Variants in LSM14A observed in about 807,000 individuals in gnomAD.
LSM14A encodes the protein LSM14A mRNA processing body assembly factor.
LSM14A carries 14 observed loss-of-function variants against 52.4 expected under a neutral mutation model. The ratio of observed to expected loss-of-function variants is 0.27; its 90% CI spans 0.18 to 0.42. LSM14A has a LOEUF of 0.42. LSM14A is among the 10% of genes least tolerant of loss of function. The pLI is 1.00. For missense variants in LSM14A, 417 were observed against 581.8 expected, an observed-to-expected ratio of 0.72 and a Z score of 2.91; for synonymous variants, 185 against 200.3, an observed-to-expected ratio of 0.92 and a Z score of 0.64.
rs534889462 is a variant in LSM14A, at chr19:34,228,935, C to T, written c.*1547C>T. ...CAGTACTTGGCAGCCATAGTTTAGACAATATTGTTCAGTGCTGTTTGCTTG... is the reference window on the plus strand; with the variant it reads ...CAGTACTTGGCAGCCATAGTTTAGATAATATTGTTCAGTGCTGTTTGCTTG... On this transcript the variant is annotated 3_prime_UTR_variant, in exon 10 of 10. Transcript: ENST00000544216. 7 of 152,654 alleles carry T rather than the reference C, an allele frequency of 4.6e-5. No homozygotes were observed. The South Asian group carries it at 1.5e-3, about 32-fold the overall frequency. The allele number at this position is 152,654 out of a possible 1,614,324, so 9.5% of individuals were successfully genotyped here. A position where few individuals can be genotyped will look rare whatever the true frequency, so the allele number is the denominator to read the frequency against.
chr19:34,197,392 G>A lies in LSM14A; in HGVS notation c.415+629G>A, dbSNP rs111866958. Among the ~76,000 whole-genome samples, 830 of 147,364 alleles carry A rather than the reference G, an allele frequency of 5.6e-3. 11 individuals carry two copies. The highest frequency in any genetic ancestry group is 0.02 in the African/African-American group (780 of 39,884). On this transcript the variant is annotated intron_variant, in intron 3 of 9. Coordinates refer to ENST00000544216, the MANE Select transcript of LSM14A (RefSeq NM_015578.4). ...AGGTGTGAGCCACTGCGCCTGGCCT[G>A]GATTTTAATTAATAAATTTTTCTTT...
intron 1 of LSM14A, among the ~76,000 whole-genome samples, chr19:34,192,842 G>A (rs1190287719): frequency 6.6e-6 from 1 of 151,790 alleles, no homozygotes; most frequent in African/African-American, 2.4e-5. Context: ...AGCTGCGCAT[G>A]GTGGCACACG....
rs368591671 is a variant in LSM14A at position 34,225,987 on chromosome 19, G to A, written c.1369-1378G>A. On this transcript the variant is annotated intron_variant, in intron 9 of 9. Coordinates refer to ENST00000544216, the MANE Select transcript of LSM14A (RefSeq NM_015578.4). ...TAAGGCAGGAGGATCAGTTGAACCTGGGAGGTCAAGGCTGCAGTGAGCCAT... is the reference window on the plus strand; with the variant it reads ...TAAGGCAGGAGGATCAGTTGAACCTAGGAGGTCAAGGCTGCAGTGAGCCAT... 7.9e-5 allele frequency among the ~76,000 whole-genome samples: 12 copies of A among 152,078 alleles called. No homozygotes were observed. The East Asian group carries it at 2.3e-3, about 29-fold the overall frequency.
intron 3 of LSM14A, among the ~76,000 whole-genome samples, chr19:34,202,878 C>CGATCTCCT (rs2071404247): frequency 1.3e-5 from 2 of 152,096 alleles, no homozygotes; most frequent in South Asian, 4.1e-4. Context: ...AGGATGGTCT[C>CGATCTCCT]GATCTCCTGA....
chr19:34,190,062 A>G (rs907786126), intron 1 of LSM14A, among the ~76,000 whole-genome samples: 4 of 152,284 alleles, frequency 2.6e-5, no homozygotes, highest in South Asian at 2.1e-4. Context: ...GAGCTAATGT[A>G]TGTGTTGTAG....
Position 34,172,710 on chromosome 19 carries a change from AG to A in LSM14A, c.71del (p.Gly24AlafsTer13). On this transcript the variant is annotated frameshift_variant, in exon 1 of 10. Transcript: ENST00000544216. LOFTEE classifies it high-confidence loss of function. ...SLISKAEIRY[E>X]GILYTIDTEN... is the part of the protein sequence containing the mutation. Reference sequence around the variant, plus strand: ...ATCTCCAAGGCGGAGATCCGCTACGAGGGCATCCTCTACACCATCGACACCG... The same window carrying A: ...ATCTCCAAGGCGGAGATCCGCTACGAGGCATCCTCTACACCATCGACACCG... 6.3e-7 allele frequency: 1 copy of A among 1,582,304 alleles called. No individual in the cohort carries two copies. Among genetic ancestry groups the A allele is most frequent in the Admixed American group, 1.8e-5 (1 of 56,296 alleles).
intron 3 of LSM14A, among the ~76,000 whole-genome samples, chr19:34,202,492 CAAAAAAA>C (rs113672361): frequency 1.1e-5 from 1 of 90,474 alleles, no homozygotes; most frequent in Non-Finnish European, 2.3e-5. Flanking sequence ...GACTGTGTCT[CAAAAAAA>C]AAAAAAAAAA....
chr19:34,217,625 T>G lies in LSM14A; in HGVS notation c.782-1766T>G, dbSNP rs1348283512. Among the ~76,000 whole-genome samples the G allele has an allele frequency of 4.5e-5, 5 of 111,332 alleles. No individual in the cohort carries two copies. In the East Asian group the frequency reaches 1.0e-3, roughly 23 times the overall value. The allele number at this position is 111,332 out of a possible 152,430, so 73.0% of individuals were successfully genotyped here. A position where few individuals can be genotyped will look rare whatever the true frequency, so the allele number is the denominator to read the frequency against. ...TTATATCCCCCCCCCCCGTGTTTTT[T>G]TTTTTTTTTTTTTTTTTTTTGAGAC... On this transcript the variant is annotated intron_variant, in intron 6 of 9. Coordinates refer to ENST00000544216, the MANE Select transcript of LSM14A (RefSeq NM_015578.4).
rs2073066601 is a variant in LSM14A at position 34,221,594 on chromosome 19, A to T, written c.1224A>T (p.Gly408=). ...IPLRPNRGRG[G]YRGRGGLGFR... is the part of the protein sequence containing the mutation. ...TTCGTCCAAACCGTGGCCGTGGGGGATACAGAGGCAGAGGAGGTCTTGGTT... is the reference window on the plus strand; with the variant it reads ...TTCGTCCAAACCGTGGCCGTGGGGGTTACAGAGGCAGAGGAGGTCTTGGTT... Residue 408 remains glycine, a synonymous_variant, in exon 9 of 10, where the codon GGA becomes GGT. Coordinates refer to ENST00000544216, the MANE Select transcript of LSM14A (RefSeq NM_015578.4). 6.2e-7 allele frequency: 1 copy of T among 1,614,108 alleles called. No homozygotes were observed.
chr19:34,213,837 G>A (rs561532531), intron 4 of LSM14A, among the ~76,000 whole-genome samples: 3 of 152,328 alleles, frequency 2.0e-5, no homozygotes, highest in Non-Finnish European at 4.4e-5. Context: ...GCTGGATGCA[G>A]TGGACCGATC....
intron 1 of LSM14A, among the ~76,000 whole-genome samples, chr19:34,173,389 G>T (rs1467380812): frequency 1.3e-5 from 2 of 152,136 alleles, no homozygotes; most frequent in Admixed American, 6.5e-5. Flanking sequence ...TCATTAGGGC[G>T]CGTGGTAAAA....
At chr19:34,218,012 T>C (rs1452461650) in intron 6 of LSM14A, among the ~76,000 whole-genome samples, 2 of 146,850 alleles carry the variant, frequency 1.4e-5, no homozygotes, top group African/African-American at 5.1e-5. Context: ...TTTTTTTTTT[T>C]TTCCCCCTGG....
intron 1 of LSM14A, among the ~76,000 whole-genome samples, chr19:34,190,340 T>C (rs1262025817): frequency 1.3e-5 from 2 of 152,162 alleles, no homozygotes; most frequent in African/African-American, 4.8e-5. Flanking sequence ...CAAATCATTC[T>C]TATTCTGTGA....
In LSM14A at chr19:34,227,969, A is replaced by G. The variant is rs2073433326; in HGVS notation, c.*581A>G. On this transcript the variant is annotated 3_prime_UTR_variant, in exon 10 of 10. Coordinates refer to ENST00000544216, the MANE Select transcript of LSM14A (RefSeq NM_015578.4). ...ACACAGTAAATACTGTTTCTTAGGC[A>G]AAGGTAACTTTTTTATATAGTTGTA... The G allele has an allele frequency of 6.6e-6, 1 of 152,616 alleles. No homozygotes were observed. The highest frequency in any genetic ancestry group is 1.5e-5 in the Non-Finnish European group (1 of 68,034). 9.5% of individuals were successfully genotyped at this position (152,616 alleles called of 1,614,324 possible).
At chr19:34,189,500 A>G (rs942644333) in intron 1 of LSM14A, among the ~76,000 whole-genome samples, 12 of 152,202 alleles carry the variant, frequency 7.9e-5, no homozygotes, top group African/African-American at 2.7e-4. Context: ...TACGGCACCT[A>G]TGTTCAGCTT....
chr19:34,182,973 C>T (rs948361663), intron 1 of LSM14A, among the ~76,000 whole-genome samples: 1 of 152,054 alleles, frequency 6.6e-6, no homozygotes, highest in African/African-American at 2.4e-5. Context: ...TATCTTGCCT[C>T]CTGCTCCCCA....
At chr19:34,185,759 T>C (rs1455975294) in intron 1 of LSM14A, among the ~76,000 whole-genome samples, 1 of 152,218 alleles carries the variant, frequency 6.6e-6, no homozygotes, top group Non-Finnish European at 1.5e-5. Context: ...TCAGCAAGAG[T>C]TTGTGTATGG....
At chr19:34,215,085 C>T in intron 4 of LSM14A, 39 bp from the exon 5 acceptor site, 1 of 1,532,680 alleles carries the variant, frequency 6.5e-7, no homozygotes, top group Non-Finnish European at 8.8e-7. Context: ...TTTTGAAATC[C>T]CCAATAGGGT....
Position 34,215,149 on chromosome 19 carries a change from T to C in LSM14A, c.564T>C (p.Pro188=). The C allele has an allele frequency of 6.2e-7, 1 of 1,613,486 alleles. No individual in the cohort carries two copies. The change falls in exon 5 of 10, where the codon CCT becomes CCC. Residue 188 remains proline, a synonymous_variant. Transcript: ENST00000544216. ...GTCGCTCAAGCCCTCAGTTAGACCC[T>C]TTGAGAAAAAGCCCAACCATGGAAC... ...SQGRSSPQLD[P]LRKSPTMEQA...
Sources: allele counts gnomAD v4.1 joint callset (sites outside exome capture counted in the v4.1 genomes callset), GRCh38; gene constraint gnomAD v4.1.1; transcripts MANE v1.5; gene names NCBI Gene and HGNC (gene_info 2026-07-23, HGNC 2026-07-21).